The following MEIG1 variants were observed in gnomAD, a reference collection of about 807,000 sequenced individuals.
MEIG1 encodes meiosis expressed gene 1 protein homolog.
In MEIG1, 12 loss-of-function variants were observed where a neutral mutation model predicts 11.3. The observed-to-expected ratio is 1.07, with a 90% CI of 0.68 to 1.73. The LOEUF (loss-of-function observed/expected upper bound fraction) is 1.73. Ranked by LOEUF, MEIG1 falls within the 40% of genes most tolerant of loss-of-function variation. MEIG1 has a pLI of 0.00. For synonymous variants in MEIG1, 41 were observed against 33.2 expected, an observed-to-expected ratio of 1.24 and a Z score of -0.81; for missense variants, 119 against 104.9, an observed-to-expected ratio of 1.13 and a Z score of -0.59.
chr10:14,974,203 C>A (rs1285318016), downstream of MEIG1, among the ~76,000 whole-genome samples: 1 of 152,064 alleles, frequency 6.6e-6, no homozygotes. Context: ...GTAACTGGGT[C>A]CTTCCATACT....
At chr10:14,971,514 G>A (rs1843150753) in intron 2 of MEIG1, among the ~76,000 whole-genome samples, 1 of 150,986 alleles carries the variant, frequency 6.6e-6, no homozygotes, top group Non-Finnish European at 1.5e-5. Flanking sequence ...CCGCACTACA[G>A]CCTCGGAGAC....
intron 2 of MEIG1, among the ~76,000 whole-genome samples, chr10:14,969,740 G>A (rs947197179): frequency 1.3e-5 from 2 of 152,134 alleles, no homozygotes; most frequent in Non-Finnish European, 2.9e-5. Flanking sequence ...GGAGGCTGAG[G>A]CAGGAGAATC....
At chr10:14,974,577 G>T (rs1843190803), downstream of MEIG1, among the ~76,000 whole-genome samples, 4 of 151,952 alleles carry the variant, frequency 2.6e-5, no homozygotes, top group Admixed American at 1.3e-4. Flanking sequence ...GGGGTGGAAT[G>T]GCACAATGTG....
chr10:14,957,535 G>A (rs1842963361), upstream of MEIG1, among the ~76,000 whole-genome samples: 1 of 152,236 alleles, frequency 6.6e-6, no homozygotes, highest in African/African-American at 2.4e-5. Context: ...ATCTTACAGG[G>A]CTTTGCTCAC....
intron 2 of MEIG1, among the ~76,000 whole-genome samples, chr10:14,969,331 C>T (rs1377795986): frequency 6.6e-6 from 1 of 151,702 alleles, no homozygotes; most frequent in East Asian, 1.9e-4. Context: ...TCTCTGTAGT[C>T]CCAGCTACTG....
chr10:14,963,664 G>A (rs1564503519), intron 1 of MEIG1, among the ~76,000 whole-genome samples: 1 of 152,018 alleles, frequency 6.6e-6, no homozygotes, highest in African/African-American at 2.4e-5. Flanking sequence ...ACATAAACTC[G>A]TATAATACTG....
chr10:14,969,603 G>C (rs894595315), intron 2 of MEIG1, among the ~76,000 whole-genome samples: 1 of 152,208 alleles, frequency 6.6e-6, no homozygotes, highest in African/African-American at 2.4e-5. Flanking sequence ...GGGAGGCAGA[G>C]GCGGGCCGTT....
intron 1 of MEIG1, among the ~76,000 whole-genome samples, chr10:14,983,885 G>A (rs748675084): frequency 6.6e-6 from 1 of 152,026 alleles, no homozygotes; most frequent in Non-Finnish European, 1.5e-5. Context: ...CAGGAGAGAA[G>A]AGGATGATGT....
upstream of MEIG1, among the ~76,000 whole-genome samples, chr10:14,955,831 G>A (rs1331622678): frequency 6.6e-6 from 1 of 152,182 alleles, no homozygotes; most frequent in African/African-American, 2.4e-5. Context: ...GACATGGAAA[G>A]GTATACACAA....
rs1843331106 is a variant in MEIG1, at chr10:14,987,470, AGAGGATTG to A, written n.286-315_286-308del. 7.0e-6 allele frequency: 5 copies of A among 715,052 alleles called. No individual in the cohort carries two copies. In the Admixed American group the frequency reaches 1.0e-4, roughly 14 times the overall value. The allele number at this position is 715,052 out of a possible 1,614,324, so 44.3% of individuals were successfully genotyped here. A position where few individuals can be genotyped will look rare whatever the true frequency, so the allele number is the denominator to read the frequency against. On this transcript the variant is annotated intron_variant and non_coding_transcript_variant, in intron 2 of 2. Transcript: ENST00000467536. Reference sequence around the variant, plus strand: ...GTGTCTTGGACACCTTGAGAAGGAAAGAGGATTGGAAAATAAAAGGTAAAAACCAGCCC... The same window carrying A: ...GTGTCTTGGACACCTTGAGAAGGAAAGAAAATAAAAGGTAAAAACCAGCCC...
At chr10:14,963,100 T>TC (rs1225881095) in intron 1 of MEIG1, among the ~76,000 whole-genome samples, 1 of 150,804 alleles carries the variant, frequency 6.6e-6, no homozygotes, top group East Asian at 2.0e-4. Flanking sequence ...AACTTTTTTT[T>TC]TTCTCTCTTA....
At position 14,981,943 on chromosome 10, in the gene MEIG1, G is replaced by T. The variant is rs542250188; in HGVS notation, n.67-4853G>T. Among the ~76,000 whole-genome samples the T allele has an allele frequency of 8.5e-5, 13 of 152,162 alleles. No homozygotes were observed. The East Asian group carries it at 1.9e-3, about 23-fold the overall frequency. On this transcript the variant is annotated intron_variant and non_coding_transcript_variant, in intron 1 of 2. Transcript: ENST00000467536. ...CTCCATTCTCTTTGCGCTTTTCCTCGCGGCTTACTGCATCCCTGTTTACAA... is the reference window on the plus strand; with the variant it reads ...CTCCATTCTCTTTGCGCTTTTCCTCTCGGCTTACTGCATCCCTGTTTACAA...
In MEIG1 at chr10:14,967,284, A is replaced by G. The variant is rs146502561; in HGVS notation, c.138+678A>G. On this transcript the variant is annotated intron_variant, in intron 2 of 2. Coordinates refer to ENST00000407572, the MANE Select transcript of MEIG1 (RefSeq NM_001080836.3). ...CCTCCTGTTACTTTTTATTTTAACC[A>G]TGAATTAGAAAGAGGTTAAAATCCT... 5.7e-4 allele frequency among the ~76,000 whole-genome samples: 87 copies of G among 152,092 alleles called. No homozygotes were observed. The East Asian group carries it at 0.012, about 22-fold the overall frequency.
At chr10:14,962,952 C>T (rs973566557) in intron 1 of MEIG1, among the ~76,000 whole-genome samples, 11 of 150,614 alleles carry the variant, frequency 7.3e-5, no homozygotes, top group African/African-American at 1.7e-4. Context: ...TTAGTAGACA[C>T]GGGGTTTCAC....
chr10:14,960,039 C>T (rs938115070), intron 1 of MEIG1, among the ~76,000 whole-genome samples: 1 of 152,182 alleles, frequency 6.6e-6, no homozygotes, highest in Non-Finnish European at 1.5e-5. Flanking sequence ...CAGGGACCGC[C>T]GGGCGTGCTT....
downstream of MEIG1, among the ~76,000 whole-genome samples, chr10:14,974,963 C>A (rs1338569811): frequency 3.3e-5 from 5 of 152,130 alleles, no homozygotes; most frequent in Admixed American, 3.3e-4. Flanking sequence ...TGTACACCCA[C>A]CTGTGATATT....
At chr10:14,983,992 T>C (rs570926207) in intron 1 of MEIG1, among the ~76,000 whole-genome samples, 48 of 151,942 alleles carry the variant, frequency 3.2e-4, no homozygotes, top group East Asian at 7.7e-4. Context: ...CTGCTGGGGG[T>C]ATAAACACTC....
intron 2 of MEIG1, among the ~76,000 whole-genome samples, chr10:14,968,848 G>A (rs4748119): frequency 0.63 from 96,205 of 151,932 alleles, 30,875 homozygotes; most frequent in Non-Finnish European, 0.68. Context: ...GGAGGCCGAG[G>A]CAGGTGGATC....
chr10:14,977,915 G>C (rs1260863297), intron 1 of MEIG1, among the ~76,000 whole-genome samples: 1 of 151,858 alleles, frequency 6.6e-6, no homozygotes, highest in Non-Finnish European at 1.5e-5. Flanking sequence ...GAAAGATGTT[G>C]CTGCTAATAT....
Sources: allele counts gnomAD v4.1 joint callset (sites outside exome capture counted in the v4.1 genomes callset), GRCh38; gene constraint gnomAD v4.1.1; transcripts MANE v1.5; gene names NCBI Gene and HGNC (gene_info 2026-07-23, HGNC 2026-07-21).